ATP8B1: variants seen among roughly 807,000 people sequenced by gnomAD.
ATP8B1 encodes the protein phospholipid-transporting ATPase IC.
ATP8B1 carries 80 observed loss-of-function variants against 149.9 expected under a neutral mutation model. That is an observed-to-expected ratio of 0.53 (90% CI 0.45 to 0.64). The LOEUF is 0.64. ATP8B1 is among the 30% of genes least tolerant of loss of function. The probability of loss-of-function intolerance (pLI) is 0.00; values close to 1 mark genes in which losing one functional copy is unlikely to be tolerated. For synonymous variants in ATP8B1, 536 were observed against 562.8 expected (o/e 0.95, Z 0.67); for missense variants, 1,247 against 1,552.6 (o/e 0.80, Z 3.31).
intron 16 of ATP8B1, among the ~76,000 whole-genome samples, 185 bp downstream of exon 16, chr18:57,674,649 G>A (rs1394710869): frequency 6.6e-6 from 1 of 152,016 alleles, no homozygotes; most frequent in East Asian, 1.9e-4. Flanking sequence ...GCCTCCCAAA[G>A]TGCTGGGATT....
chr18:57,785,063 G>A (rs904059259), intron 1 of ATP8B1, among the ~76,000 whole-genome samples: 13 of 152,098 alleles, frequency 8.5e-5, no homozygotes, highest in Non-Finnish European at 1.5e-4. Flanking sequence ...CTCATGTTCC[G>A]GCTTTGTTGA....
chr18:57,705,693 T>C lies in ATP8B1; in HGVS notation c.279+797A>G, dbSNP rs550173975. On this transcript the variant is annotated intron_variant, in intron 3 of 27. Transcript: ENST00000648908. ...AGGGAACAGATTCTCCTGCAGAGGC[T>C]CCAGAAGGAGCCAACCCTGCCAACA... Among the ~76,000 whole-genome samples, 8 of 152,236 alleles carry C rather than the reference T, an allele frequency of 5.3e-5. No individual in the cohort carries two copies. In the South Asian group the frequency reaches 1.7e-3, roughly 32 times the overall value.
At chr18:57,739,000 T>C (rs2079885465) in intron 1 of ATP8B1, among the ~76,000 whole-genome samples, 1 of 152,092 alleles carries the variant, frequency 6.6e-6, no homozygotes, top group Admixed American at 6.6e-5. Context: ...GTGTATTTTA[T>C]TTTTATTATT....
intron 12 of ATP8B1, among the ~76,000 whole-genome samples, chr18:57,689,970 CGCGCG>C (rs1912449788): frequency 1.3e-5 from 2 of 152,124 alleles, no homozygotes; most frequent in African/African-American, 4.8e-5. Flanking sequence ...GAGCTGAGAT[CGCGCG>C]ACTGCACTCC....
At chr18:57,720,913 C>G (rs867791356) in intron 2 of ATP8B1, among the ~76,000 whole-genome samples, 3 of 150,758 alleles carry the variant, frequency 2.0e-5, no homozygotes, top group Non-Finnish European at 4.4e-5. Flanking sequence ...AGAAACCCTA[C>G]AAGCCAGAAG....
At position 57,685,970 on chromosome 18, in the gene ATP8B1, G is replaced by A. The variant is rs567517352; in HGVS notation, c.1430-855C>T. On this transcript the variant is annotated intron_variant, in intron 13 of 27. Transcript: ENST00000648908. ...AAAACCAAAAACACAATTGTAGGCCGGGTGTGGTGGCTCACGCCTGTAACC... is the reference window on the plus strand; with the variant it reads ...AAAACCAAAAACACAATTGTAGGCCAGGTGTGGTGGCTCACGCCTGTAACC... 2.3e-4 allele frequency among the ~76,000 whole-genome samples: 35 copies of A among 151,402 alleles called. No individual in the cohort carries two copies. The East Asian group carries it at 6.1e-3, about 26-fold the overall frequency.
At chr18:57,648,882 G>GTGTGTGTGTGTGTGTGTGTATGTGTA (rs61181992) in intron 27 of ATP8B1, among the ~76,000 whole-genome samples, 170 bp from the exon 28 acceptor site, 44 of 134,738 alleles carry the variant, frequency 3.3e-4, no homozygotes, top group African/African-American at 1.2e-3. Flanking sequence ...GTGTGTGTGT[G>GTGTGTGTGTGTGTGTGTGTATGTGTA]TGTGTATGTG....
chr18:57,668,242 G>C, intron 19 of ATP8B1, 187 bp downstream of exon 19: 1 of 1,417,352 alleles, frequency 7.1e-7, no homozygotes, highest in Non-Finnish European at 9.5e-7. Context: ...TACTGAGGGG[G>C]ATCAGGAAAG....
chr18:57,683,488 C>G (rs1912085157), intron 15 of ATP8B1, among the ~76,000 whole-genome samples: 1 of 152,234 alleles, frequency 6.6e-6, no homozygotes, highest in Non-Finnish European at 1.5e-5. Context: ...ACAAGCCATT[C>G]TGGCTTGTTC....
At chr18:57,712,971 C>A (rs1913757372) in intron 2 of ATP8B1, among the ~76,000 whole-genome samples, 1 of 151,850 alleles carries the variant, frequency 6.6e-6, no homozygotes, top group African/African-American at 2.4e-5. Context: ...AGCCCTTGAG[C>A]CCTGAATAAA....
intron 8 of ATP8B1, among the ~76,000 whole-genome samples, chr18:57,697,241 C>G (rs1193962290): frequency 1.3e-5 from 2 of 151,998 alleles, no homozygotes; most frequent in African/African-American, 4.8e-5. Context: ...CCAGCCTGGG[C>G]GACAGAGTGA....
At chr18:57,681,100 T>C (rs1015208734) in intron 15 of ATP8B1, among the ~76,000 whole-genome samples, 2 of 152,148 alleles carry the variant, frequency 1.3e-5, no homozygotes, top group Non-Finnish European at 2.9e-5. Flanking sequence ...CTGACTGAAT[T>C]AGATGAGCTT....
At chr18:57,652,339 C>G (rs1211270124) in intron 25 of ATP8B1, 145 bp downstream of exon 25, 3 of 1,454,302 alleles carry the variant, frequency 2.1e-6, no homozygotes, top group Non-Finnish European at 2.8e-6. Flanking sequence ...AGAAAATGTG[C>G]TTGGTATAAG....
At chr18:57,792,797 A>G (rs2080476730) in intron 1 of ATP8B1, among the ~76,000 whole-genome samples, 1 of 152,114 alleles carries the variant, frequency 6.6e-6, no homozygotes, top group African/African-American at 2.4e-5. Context: ...ATCCATGTGT[A>G]TGGAGATGGG....
rs530424871 is a variant in ATP8B1, at chr18:57,710,001, T to C, written c.182-3414A>G. 1.5e-3 allele frequency among the ~76,000 whole-genome samples: 230 copies of C among 151,156 alleles called. 1 individual carries two copies. The highest frequency in any genetic ancestry group is 5.4e-3 in the African/African-American group (222 of 41,274). ...GGCCACTTTTTCTTTTCTTTTCTTT[T>C]TTTTTTTTTTTAAGAGACGGAGTCT... On this transcript the variant is annotated intron_variant, in intron 2 of 27. Transcript: ENST00000648908.
At chr18:57,768,041 T>C (rs1453341654) in intron 1 of ATP8B1, among the ~76,000 whole-genome samples, 1 of 152,166 alleles carries the variant, frequency 6.6e-6, no homozygotes, top group Non-Finnish European at 1.5e-5. Flanking sequence ...TTAACAATTA[T>C]ACATTATATA....
At chr18:57,697,894 A>G in intron 6 of ATP8B1, 27 bp from the exon 7 acceptor site, 2 of 1,572,246 alleles carry the variant, frequency 1.3e-6, no homozygotes, top group Non-Finnish European at 1.8e-6. Flanking sequence ...ATGAGGATTT[A>G]TTGACATTTT....
intron 16 of ATP8B1, 91 bp downstream of exon 16, chr18:57,674,743 A>C (rs777180399): frequency 8.3e-6 from 12 of 1,442,074 alleles, no homozygotes; most frequent in Admixed American, 6.7e-5. Flanking sequence ...TAGCTCTTTC[A>C]CTGGCTGCTT....
At chr18:57,793,702 G>A (rs1273799582) in intron 1 of ATP8B1, among the ~76,000 whole-genome samples, 1 of 151,188 alleles carries the variant, frequency 6.6e-6, no homozygotes, top group Non-Finnish European at 1.5e-5. Context: ...CCTCTGCCTG[G>A]GACACTCTTT....
Sources: gnomAD v4.1 joint callset for allele counts (sites outside exome capture counted in the v4.1 genomes callset) on GRCh38, gnomAD v4.1.1 for gene constraint, MANE v1.5 for transcripts, NCBI Gene and HGNC (gene_info 2026-07-23, HGNC 2026-07-21) for gene names.